Variants in SGCZ observed in about 807,000 individuals in gnomAD.
SGCZ encodes the protein sarcoglycan zeta.
A neutral mutation model predicts 41.3 loss-of-function variants in SGCZ; 40 were observed. The observed-to-expected ratio is 0.97, with a 90% confidence interval of 0.75 to 1.26. The LOEUF (loss-of-function observed/expected upper bound fraction) is 1.26. Among genes scored for constraint, SGCZ ranks in the 50% most tolerant of loss-of-function variants. The probability of loss-of-function intolerance (pLI) is 0.00; values close to 1 mark genes in which losing one functional copy is unlikely to be tolerated. For missense variants in SGCZ, 552 were observed against 369.8 expected, an observed-to-expected ratio of 1.49 and a Z score of -4.04; for synonymous variants, 206 against 137.5, an observed-to-expected ratio of 1.50 and a Z score of -3.49.
chr8:14,412,096 C>G (rs186169181), intron 2 of SGCZ, among the ~76,000 whole-genome samples: 1 of 151,950 alleles, frequency 6.6e-6, no homozygotes, highest in Admixed American at 6.6e-5. Flanking sequence ...GATTGATTTG[C>G]AGAAAAGAAC....
chr8:14,347,747 G>C (rs1406031877), intron 2 of SGCZ, among the ~76,000 whole-genome samples: 1 of 151,386 alleles, frequency 6.6e-6, no homozygotes, highest in African/African-American at 2.4e-5. Context: ...ATTCACTTTG[G>C]GAAGCCATGG....
At chr8:15,202,151 T>C (rs1800910180) in intron 1 of SGCZ, among the ~76,000 whole-genome samples, 1 of 152,172 alleles carries the variant, frequency 6.6e-6, no homozygotes, top group African/African-American at 2.4e-5. Context: ...GGTCAAAATA[T>C]CAAAGCAAAG....
chr8:15,197,737 A>C (rs567574409), intron 1 of SGCZ, among the ~76,000 whole-genome samples: 31 of 152,300 alleles, frequency 2.0e-4, no homozygotes, highest in African/African-American at 5.8e-4. Flanking sequence ...GGCAAGGTCT[A>C]AAATTAACCA....
At chr8:14,793,604 G>T (rs1801029876) in intron 1 of SGCZ, among the ~76,000 whole-genome samples, 2 of 152,070 alleles carry the variant, frequency 1.3e-5, no homozygotes, top group African/African-American at 4.8e-5. Context: ...AATGCACAGG[G>T]CAAATTCCTC....
At chr8:14,662,851 C>G (rs1457678798) in intron 1 of SGCZ, among the ~76,000 whole-genome samples, 3 of 152,110 alleles carry the variant, frequency 2.0e-5, no homozygotes, top group African/African-American at 7.2e-5. Flanking sequence ...AAGAATTTGA[C>G]TTGCTTTTCC....
intron 1 of SGCZ, among the ~76,000 whole-genome samples, chr8:14,740,728 T>A (rs936642781): frequency 2.6e-5 from 4 of 151,990 alleles, no homozygotes; most frequent in Non-Finnish European, 4.4e-5. Flanking sequence ...GGAATAAAAT[T>A]ATCTATTTAA....
At chr8:14,506,845 C>T (rs1802320822) in intron 2 of SGCZ, among the ~76,000 whole-genome samples, 2 of 152,262 alleles carry the variant, frequency 1.3e-5, no homozygotes, top group Admixed American at 6.5e-5. Flanking sequence ...TCTTAGATTT[C>T]CTATTTAGCT....
intron 2 of SGCZ, among the ~76,000 whole-genome samples, chr8:14,481,194 T>C (rs1801526151): frequency 6.6e-6 from 1 of 152,184 alleles, no homozygotes; most frequent in African/African-American, 2.4e-5. Flanking sequence ...AATTAATATA[T>C]GATGCTTAAT....
intron 1 of SGCZ, among the ~76,000 whole-genome samples, chr8:14,620,074 A>G (rs1806232636): frequency 6.6e-6 from 1 of 152,210 alleles, no homozygotes; most frequent in Non-Finnish European, 1.5e-5. Flanking sequence ...ACAGCATGGT[A>G]CTGGTACCAA....
intron 2 of SGCZ, among the ~76,000 whole-genome samples, chr8:14,376,203 C>T (rs1486581581): frequency 6.6e-6 from 1 of 152,020 alleles, no homozygotes; most frequent in Non-Finnish European, 1.5e-5. Context: ...CCCAGCTACA[C>T]AGGAGGCTGA....
At chr8:14,919,612 A>G (rs1799532673) in intron 1 of SGCZ, among the ~76,000 whole-genome samples, 1 of 152,124 alleles carries the variant, frequency 6.6e-6, no homozygotes, top group Non-Finnish European at 1.5e-5. Context: ...TAATTTTGAC[A>G]GTAGTACTAT....
chr8:14,634,587 T>G (rs1806767569), intron 1 of SGCZ, among the ~76,000 whole-genome samples: 2 of 151,848 alleles, frequency 1.3e-5, no homozygotes, highest in South Asian at 2.1e-4. Context: ...CCAGGTAACT[T>G]ATCTACAAAA....
intron 1 of SGCZ, among the ~76,000 whole-genome samples, chr8:14,686,417 G>C (rs772645541): frequency 6.6e-6 from 1 of 152,084 alleles, no homozygotes; most frequent in African/African-American, 2.4e-5. Context: ...AGAACAATTA[G>C]GAGATTGTTT....
intron 2 of SGCZ, among the ~76,000 whole-genome samples, chr8:14,327,109 G>A (rs981022470): frequency 5.9e-5 from 9 of 152,140 alleles, no homozygotes; most frequent in Non-Finnish European, 1.3e-4. Flanking sequence ...AATGGCAAAT[G>A]GTGATAAACT....
intron 4 of SGCZ, among the ~76,000 whole-genome samples, chr8:14,174,670 T>A (rs1804489599): frequency 6.6e-6 from 1 of 152,126 alleles, no homozygotes; most frequent in Admixed American, 6.5e-5. Flanking sequence ...ATATTTAACC[T>A]AATACTGACC....
At chr8:14,524,291 G>A (rs1802875927) in intron 2 of SGCZ, among the ~76,000 whole-genome samples, 1 of 151,894 alleles carries the variant, frequency 6.6e-6, no homozygotes, top group Non-Finnish European at 1.5e-5. Context: ...CCTGGCAGGA[G>A]TGGAAGTCCA....
chr8:14,694,425 T>C (rs1387181274), intron 1 of SGCZ, among the ~76,000 whole-genome samples: 1 of 152,218 alleles, frequency 6.6e-6, no homozygotes, highest in East Asian at 1.9e-4. Flanking sequence ...TATTCTAACG[T>C]TGACTTTAGT....
At position 14,644,322 on chromosome 8, in the gene SGCZ, C is replaced by A. The variant is rs539370030; in HGVS notation, c.40-89396G>T. Among the ~76,000 whole-genome samples, 16 of 151,772 alleles carry A rather than the reference C, an allele frequency of 1.1e-4. No homozygotes were observed. The South Asian group carries it at 2.7e-3, about 26-fold the overall frequency. On this transcript the variant is annotated intron_variant, in intron 1 of 7. Coordinates refer to ENST00000382080, the MANE Select transcript of SGCZ (RefSeq NM_139167.4). ...CTTAGGGGCAGATGCTGAGGTTTCC[C>A]AGGAAAGAAGAAATTCTGGATCAAG...
At chr8:14,730,275 GA>G (rs558946455) in intron 1 of SGCZ, among the ~76,000 whole-genome samples, 2 of 151,966 alleles carry the variant, frequency 1.3e-5, no homozygotes, top group Non-Finnish European at 2.9e-5. Flanking sequence ...ATTCATTTGA[GA>G]AAAAATATAG....
Sources: gnomAD v4.1 joint callset for allele counts (sites outside exome capture counted in the v4.1 genomes callset) on GRCh38, gnomAD v4.1.1 for gene constraint, MANE v1.5 for transcripts, NCBI Gene and HGNC (gene_info 2026-07-23, HGNC 2026-07-21) for gene names.